The following CNTN4 variants were observed in gnomAD, a reference collection of about 807,000 sequenced individuals.
CNTN4 encodes the protein contactin-4.
Under a neutral mutation model 122.5 loss-of-function variants are expected in CNTN4, and 77 were observed. The observed-to-expected ratio is 0.63, with a 90% CI of 0.52 to 0.76. The LOEUF (loss-of-function observed/expected upper bound fraction) is 0.76, where lower values mean the gene tolerates loss of function less well. CNTN4 is among the 30% of genes least tolerant of loss of function. The pLI is 0.00. For missense variants in CNTN4, 1,256 were observed against 1,259.1 expected (o/e 1.00, Z 0.04); for synonymous variants, 512 against 447.0 (o/e 1.15, Z -1.83).
intron 3 of CNTN4, among the ~76,000 whole-genome samples, chr3:2,490,927 G>A (rs764550578): frequency 6.6e-6 from 1 of 151,902 alleles, no homozygotes; most frequent in South Asian, 2.1e-4. Flanking sequence ...TGTTATTCAG[G>A]CCTCCCAGTT....
At chr3:2,842,118 G>A (rs1385290028) in intron 7 of CNTN4, among the ~76,000 whole-genome samples, 7 of 152,060 alleles carry the variant, frequency 4.6e-5, no homozygotes, top group Admixed American at 6.5e-5. Flanking sequence ...TAAGGGCAAC[G>A]GAAAGCCATG....
At chr3:2,229,719 G>A (rs2039414786) in intron 2 of CNTN4, among the ~76,000 whole-genome samples, 1 of 152,112 alleles carries the variant, frequency 6.6e-6, no homozygotes, top group African/African-American at 2.4e-5. Context: ...ACCAGAAATT[G>A]TGCTAATTTT....
intron 2 of CNTN4, among the ~76,000 whole-genome samples, chr3:2,210,758 G>A (rs1559345128): frequency 6.6e-6 from 1 of 152,066 alleles, no homozygotes; most frequent in Non-Finnish European, 1.5e-5. Context: ...CGGCTTTCTT[G>A]ACATCTTTTG....
chr3:2,169,466 G>C (rs549234238), intron 2 of CNTN4, among the ~76,000 whole-genome samples: 132 of 152,172 alleles, frequency 8.7e-4, no homozygotes, highest in Non-Finnish European at 1.5e-3. Flanking sequence ...GAGTGCGGTG[G>C]CGCGATCTCG....
chr3:2,908,898 T>G (rs528061159), intron 12 of CNTN4, among the ~76,000 whole-genome samples: 58 of 152,232 alleles, frequency 3.8e-4, no homozygotes, highest in African/African-American at 1.3e-3. Flanking sequence ...GGGGTTCTCC[T>G]GGCCTGTGTG....
At chr3:2,144,894 C>A (rs2035171916) in intron 2 of CNTN4, among the ~76,000 whole-genome samples, 1 of 152,150 alleles carries the variant, frequency 6.6e-6, no homozygotes, top group South Asian at 2.1e-4. Context: ...ATTTATTGTA[C>A]TTACATAAAC....
chr3:2,584,267 G>A (rs571859931), intron 4 of CNTN4, among the ~76,000 whole-genome samples: 18 of 152,202 alleles, frequency 1.2e-4, no homozygotes, highest in African/African-American at 4.3e-4. Context: ...AAGAAAAAAG[G>A]AAAATTGTGG....
At chr3:2,182,918 T>C (rs1190263368) in intron 2 of CNTN4, among the ~76,000 whole-genome samples, 3 of 152,040 alleles carry the variant, frequency 2.0e-5, no homozygotes, top group East Asian at 1.9e-4. Flanking sequence ...TCAGATTATA[T>C]TGAACATGCT....
chr3:2,439,702 T>C lies in CNTN4; in HGVS notation c.-89+100469T>C, dbSNP rs560015989. 1.2e-4 allele frequency among the ~76,000 whole-genome samples: 19 copies of C among 152,140 alleles called. No homozygotes were observed. The South Asian group carries it at 1.5e-3, about 12-fold the overall frequency. ...GGAGGAAGAAGACAAGTCTAGTGGC[T>C]TGGATAGCTAAGGGAAAGGAGTGAA... On this transcript the variant is annotated intron_variant, in intron 3 of 24. Coordinates refer to ENST00000418658, the MANE Select transcript of CNTN4 (RefSeq NM_175607.3).
intron 3 of CNTN4, among the ~76,000 whole-genome samples, chr3:2,459,612 T>C (rs1265435707): frequency 6.6e-6 from 1 of 152,130 alleles, no homozygotes; most frequent in Non-Finnish European, 1.5e-5. Context: ...CCTTTAGATA[T>C]ACTTTGTGAT....
chr3:2,570,230 G>C (rs2079361330), intron 3 of CNTN4, among the ~76,000 whole-genome samples: 1 of 151,880 alleles, frequency 6.6e-6, no homozygotes, highest in African/African-American at 2.4e-5. Flanking sequence ...CTGGAATGCA[G>C]TGGAGTGATT....
chr3:2,425,981 A>C (rs1054697122), intron 3 of CNTN4, among the ~76,000 whole-genome samples: 4 of 151,932 alleles, frequency 2.6e-5, no homozygotes, highest in Admixed American at 2.6e-4. Context: ...AGACAATGGG[A>C]TTTTCTAAAT....
chr3:2,818,126 G>A (rs1425263422), intron 6 of CNTN4, among the ~76,000 whole-genome samples: 13 of 152,180 alleles, frequency 8.5e-5, no homozygotes, highest in Non-Finnish European at 1.5e-5. Context: ...GCCCCAACAG[G>A]ACGGAAGCTG....
At chr3:2,838,033 G>C in intron 7 of CNTN4, among the ~76,000 whole-genome samples, 1 of 152,288 alleles carries the variant, frequency 6.6e-6, no homozygotes, top group Non-Finnish European at 1.5e-5. Context: ...AAATGCAGAG[G>C]TTCAGGGCTA....
rs551212115 is a variant in CNTN4, at chr3:2,776,838, A to G, written c.358+31141A>G. On this transcript the variant is annotated intron_variant, in intron 6 of 24. Coordinates refer to ENST00000418658, the MANE Select transcript of CNTN4 (RefSeq NM_175607.3). ...ACAAATGTGGGCTAAATGGAAACAG[A>G]CATACCCCCTTCATTCAAACATCTT... Among the ~76,000 whole-genome samples, 14 of 152,316 alleles carry G rather than the reference A, an allele frequency of 9.2e-5. No individual in the cohort carries two copies. In the East Asian group the frequency reaches 1.7e-3, roughly 19 times the overall value.
Position 2,549,019 on chromosome 3 carries a change from C to T in CNTN4, c.-88-22397C>T, listed in dbSNP as rs551848742. On this transcript the variant is annotated intron_variant, in intron 3 of 24. Coordinates refer to ENST00000418658, the MANE Select transcript of CNTN4 (RefSeq NM_175607.3). ...TAGGAATGCTTGTGATTTTGCACAT[C>T]GATTTTGTATCCTGTGACTTTGCTG... Among the ~76,000 whole-genome samples, 6 of 152,086 alleles carry T rather than the reference C, an allele frequency of 3.9e-5. No homozygotes were observed. In the South Asian group the frequency reaches 6.2e-4, roughly 16 times the overall value.
chr3:2,850,577 A>G (rs1398233016), intron 7 of CNTN4, among the ~76,000 whole-genome samples: 4 of 152,174 alleles, frequency 2.6e-5, no homozygotes, highest in Admixed American at 2.6e-4. Context: ...GTTCTGTGCC[A>G]TGTGAGACTT....
intron 4 of CNTN4, among the ~76,000 whole-genome samples, chr3:2,730,689 C>T (rs924893903): frequency 6.6e-6 from 1 of 152,148 alleles, no homozygotes; most frequent in African/African-American, 2.4e-5. Flanking sequence ...CCTTGGAATC[C>T]AGATTTTGTT....
At chr3:2,214,585 A>G (rs577018866) in intron 2 of CNTN4, among the ~76,000 whole-genome samples, 1 of 152,190 alleles carries the variant, frequency 6.6e-6, no homozygotes, top group Non-Finnish European at 1.5e-5. Flanking sequence ...TTTTGACATT[A>G]TGAGTTGACA....
Sources: allele counts gnomAD v4.1 joint callset (sites outside exome capture counted in the v4.1 genomes callset), GRCh38; gene constraint gnomAD v4.1.1; transcripts MANE v1.5; gene names NCBI Gene and HGNC (gene_info 2026-07-23, HGNC 2026-07-21).